Variants in CNTNAP2 observed in about 807,000 individuals in gnomAD.
CNTNAP2 encodes contactin-associated protein-like 2.
In CNTNAP2, 98 loss-of-function variants were observed where a neutral mutation model predicts 155.2. The observed-to-expected ratio is 0.63, with a 90% confidence interval of 0.54 to 0.75. The LOEUF (loss-of-function observed/expected upper bound fraction) is 0.75. CNTNAP2 is among the 30% of genes least tolerant of loss of function. The probability of loss-of-function intolerance (pLI) is 0.00; values close to 1 mark genes in which losing one functional copy is unlikely to be tolerated. For synonymous variants in CNTNAP2, 651 were observed against 631.2 expected (o/e 1.03, Z -0.47); for missense variants, 1,727 against 1,688.1 (o/e 1.02, Z -0.40).
intron 9 of CNTNAP2, among the ~76,000 whole-genome samples, chr7:147,336,151 A>G (rs1795660693): frequency 1.3e-5 from 2 of 152,208 alleles, no homozygotes; most frequent in African/African-American, 4.8e-5. Flanking sequence ...AACATATTTC[A>G]GAAGACAGAT....
At chr7:146,735,118 C>G (rs1170003564) in intron 1 of CNTNAP2, among the ~76,000 whole-genome samples, 1 of 152,154 alleles carries the variant, frequency 6.6e-6, no homozygotes, top group African/African-American at 2.4e-5. Context: ...GCAGTATTAA[C>G]AATCCGGTAT....
intron 1 of CNTNAP2, among the ~76,000 whole-genome samples, chr7:146,568,191 A>C (rs950129133): frequency 1.3e-5 from 2 of 152,110 alleles, no homozygotes; most frequent in Non-Finnish European, 2.9e-5. Context: ...TACAGTAGAG[A>C]TAACAGAAGG....
chr7:147,802,329 C>G (rs985147743), intron 13 of CNTNAP2, among the ~76,000 whole-genome samples: 1 of 142,024 alleles, frequency 7.0e-6, no homozygotes, highest in Middle Eastern at 3.9e-3. Flanking sequence ...ACATCCCAGA[C>G]GATGGGCGGC....
intron 8 of CNTNAP2, among the ~76,000 whole-genome samples, chr7:147,256,142 T>C (rs1325489397): frequency 6.6e-6 from 1 of 152,170 alleles, no homozygotes; most frequent in Admixed American, 6.5e-5. Flanking sequence ...ATAAACCACA[T>C]TGAAGTGAGG....
chr7:146,743,322 C>T (rs1224858077), intron 1 of CNTNAP2, among the ~76,000 whole-genome samples: 1 of 152,236 alleles, frequency 6.6e-6, no homozygotes, highest in Non-Finnish European at 1.5e-5. Flanking sequence ...TAAAGTTAAA[C>T]CATCAGTGGA....
At chr7:146,840,287 G>T (rs1489941589) in intron 3 of CNTNAP2, among the ~76,000 whole-genome samples, 1 of 151,532 alleles carries the variant, frequency 6.6e-6, no homozygotes, top group Non-Finnish European at 1.5e-5. Flanking sequence ...ATTTAGAGAA[G>T]TAAGAGCAGT....
At chr7:148,094,326 T>C (rs1271872483) in intron 15 of CNTNAP2, among the ~76,000 whole-genome samples, 1 of 152,204 alleles carries the variant, frequency 6.6e-6, no homozygotes, top group Non-Finnish European at 1.5e-5. Context: ...TAGACAAATA[T>C]TAGCTGTAAT....
At chr7:147,375,133 T>A (rs1460273579) in intron 9 of CNTNAP2, among the ~76,000 whole-genome samples, 1 of 152,074 alleles carries the variant, frequency 6.6e-6, no homozygotes, top group African/African-American at 2.4e-5. Flanking sequence ...ATAAGTTTCC[T>A]GAGGCCTCCT....
chr7:147,801,613 T>C (rs10242969), intron 13 of CNTNAP2, among the ~76,000 whole-genome samples: 88,275 of 151,488 alleles, frequency 0.58, 27,720 homozygotes, highest in African/African-American at 0.84. Flanking sequence ...GGACACAGCA[T>C]ATGTTTCAGA....
chr7:146,420,545 T>C (rs1795997314), intron 1 of CNTNAP2, among the ~76,000 whole-genome samples: 1 of 152,066 alleles, frequency 6.6e-6, no homozygotes. Flanking sequence ...GTGTGGGCAA[T>C]AAACTAGGTA....
At chr7:147,553,825 G>T (rs1799898468) in intron 11 of CNTNAP2, among the ~76,000 whole-genome samples, 1 of 152,154 alleles carries the variant, frequency 6.6e-6, no homozygotes, top group African/African-American at 2.4e-5. Flanking sequence ...ACAAAAATTA[G>T]CCAGGCATGC....
At chr7:147,031,480 G>A (rs544041096) in intron 3 of CNTNAP2, among the ~76,000 whole-genome samples, 2 of 152,130 alleles carry the variant, frequency 1.3e-5, no homozygotes, top group South Asian at 4.1e-4. Flanking sequence ...AATGGGTACA[G>A]GTTATAGTAA....
chr7:147,134,391 A>G (rs896224190), intron 8 of CNTNAP2, among the ~76,000 whole-genome samples: 2 of 151,950 alleles, frequency 1.3e-5, no homozygotes, highest in Non-Finnish European at 2.9e-5. Flanking sequence ...GTTTTTGTCA[A>G]TTTAGCCAAG....
At chr7:147,599,288 C>T (rs1382045415) in intron 12 of CNTNAP2, among the ~76,000 whole-genome samples, 1 of 151,408 alleles carries the variant, frequency 6.6e-6, no homozygotes, top group African/African-American at 2.4e-5. Context: ...ACCAGCGTGA[C>T]CAACATGGAG....
At chr7:148,145,402 C>G (rs1339395156) in intron 16 of CNTNAP2, among the ~76,000 whole-genome samples, 1 of 152,152 alleles carries the variant, frequency 6.6e-6, no homozygotes, top group African/African-American at 2.4e-5. Context: ...CAAGTAGTGA[C>G]AGTTTGAAGA....
intron 21 of CNTNAP2, among the ~76,000 whole-genome samples, chr7:148,322,798 T>G (rs1255413221): frequency 1.5e-3 from 34 of 23,196 alleles, no homozygotes; most frequent in African/African-American, 6.3e-3. Flanking sequence ...TTTTTTGGGG[T>G]TTTTTTTTTT....
chr7:147,138,319 T>C (rs533382347), intron 8 of CNTNAP2, among the ~76,000 whole-genome samples: 43 of 152,058 alleles, frequency 2.8e-4, no homozygotes, highest in Admixed American at 5.3e-4. Flanking sequence ...GTGAGATAGA[T>C]AAAGATCTGA....
chr7:147,658,348 A>G (rs527469647), intron 13 of CNTNAP2, among the ~76,000 whole-genome samples: 160 of 152,140 alleles, frequency 1.1e-3, no homozygotes, highest in Non-Finnish European at 1.8e-3. Flanking sequence ...TGACTTATCC[A>G]CAGACTCTAG....
In CNTNAP2 at chr7:147,307,597, C is replaced by A. The variant is rs533875728; in HGVS notation, c.1498+7307C>A. ...AAACTCCATACCCCACCTGCCCCCC[C>A]AAAAAAGGAAATGCCATCAATTAAA... On this transcript the variant is annotated intron_variant, in intron 9 of 23. Coordinates refer to ENST00000361727, the MANE Select transcript of CNTNAP2 (RefSeq NM_014141.6). 4.0e-5 allele frequency among the ~76,000 whole-genome samples: 6 copies of A among 151,710 alleles called. No individual in the cohort carries two copies. The South Asian group carries it at 1.2e-3, about 32-fold the overall frequency.
Sources: allele counts gnomAD v4.1 joint callset (sites outside exome capture counted in the v4.1 genomes callset), GRCh38; gene constraint gnomAD v4.1.1; transcripts MANE v1.5; gene names NCBI Gene and HGNC (gene_info 2026-07-23, HGNC 2026-07-21).